Variants in ELF4 observed in about 807,000 individuals in gnomAD.
The protein encoded by ELF4 is E74 like ETS transcription factor 4, also known as ETS-related transcription factor Elf-4.
A neutral mutation model predicts 31.7 loss-of-function variants in ELF4; 10 were observed. The observed-to-expected ratio is 0.32, with a 90% CI of 0.19 to 0.54. The LOEUF (loss-of-function observed/expected upper bound fraction) is 0.54, where lower values mean the gene tolerates loss of function less well. Ranked by LOEUF, ELF4 falls within the 20% of genes least tolerant of loss-of-function variation. The pLI is 0.95. For synonymous variants in ELF4, 208 were observed against 226.7 expected, an observed-to-expected ratio of 0.92 and a Z score of 0.74; for missense variants, 418 against 522.0, an observed-to-expected ratio of 0.80 and a Z score of 1.94.
At position 130,085,127 on chromosome X, in the gene ELF4, A is replaced by G. The variant is rs192182885; in HGVS notation, c.-209-3588T>C. Among the ~76,000 whole-genome samples the G allele has an allele frequency of 2.2e-3, 247 of 112,249 alleles. 1 individual carries two copies. The highest frequency in any genetic ancestry group is 7.8e-3 in the African/African-American group (241 of 30,945). On this transcript the variant is annotated intron_variant, in intron 1 of 8. Transcript: ENST00000308167. ...CCTGCCCCATGCTTGCACAGCTCAC[A>G]GCTTGCTCCAGTCACAGTCCCCTCG...
rs1220215049 is a variant in ELF4 at position 130,065,608 on chromosome X, C to A, written c.*1113G>T. ...TGCTTGAGCAGGAATGGGGGTGGAC[C>A]CCATCTAGGTCGCTGCCGGACTAGC... On this transcript the variant is annotated 3_prime_UTR_variant, in exon 9 of 9. Coordinates refer to ENST00000308167, the MANE Select transcript of ELF4 (RefSeq NM_001421.4). 1.7e-5 allele frequency: 3 copies of A among 174,354 alleles called. No homozygotes were observed. The highest frequency in any genetic ancestry group is 3.3e-5 in the Non-Finnish European group (3 of 91,450). 14.4% of individuals were successfully genotyped at this position (174,354 alleles called of 1,213,427 possible).
intron 2 of ELF4, 131 bp from the exon 3 acceptor site, chrX:130,074,883 T>C: frequency 1.3e-6 from 1 of 773,349 alleles, no homozygotes; most frequent in Non-Finnish European, 1.9e-6. Context: ...TATAGGATGA[T>C]ATAACTCTGG....
rs41301499 is a variant in ELF4 at position 130,074,565 on chromosome X, C to G, written c.247+16G>C. The G allele has an allele frequency of 4.1e-6, 5 of 1,211,678 alleles. No homozygotes were observed. The highest frequency in any genetic ancestry group is 5.6e-6 in the Non-Finnish European group (5 of 895,478). ...CTTTTTCTACCACACCTTCTCTGCCCAGGAAGGGAACAGACCTGTCAGCAA... is the reference window on the plus strand; with the variant it reads ...CTTTTTCTACCACACCTTCTCTGCCGAGGAAGGGAACAGACCTGTCAGCAA... On this transcript the variant is annotated intron_variant, in intron 3 of 8. Transcript: ENST00000308167.
intron 2 of ELF4, among the ~76,000 whole-genome samples, chrX:130,077,927 A>T: frequency 8.9e-6 from 1 of 112,126 alleles, no homozygotes; most frequent in Middle Eastern, 4.6e-3. Flanking sequence ...ACATGTCTAC[A>T]TCTAAATATG....
intron 1 of ELF4, among the ~76,000 whole-genome samples, chrX:130,091,671 C>A (rs531075511): frequency 9.0e-6 from 1 of 111,239 alleles, no homozygotes; most frequent in East Asian, 2.8e-4. Flanking sequence ...CCAAATACAA[C>A]TCAGCAGATT....
rs1932677278 is a variant in ELF4, at chrX:130,066,593, G to A, written c.*128C>T. 3 of 724,127 alleles carry A rather than the reference G, an allele frequency of 4.1e-6. No homozygotes were observed. Among genetic ancestry groups the A allele is most frequent in the Admixed American group, 2.6e-5 (1 of 38,862 alleles). 59.7% of individuals were successfully genotyped at this position (724,127 alleles called of 1,213,427 possible). ...GGCCACAGTGACACCAGGCAGGGCC[G>A]GGGGACTTGGGGTCAAGTGTATTGA... On this transcript the variant is annotated 3_prime_UTR_variant, in exon 9 of 9. Transcript: ENST00000308167.
In ELF4 at chrX:130,067,969, C is replaced by T. The variant is rs1052901584; in HGVS notation, c.1188-444G>A. 4.5e-5 allele frequency among the ~76,000 whole-genome samples: 5 copies of T among 111,514 alleles called. No homozygotes were observed. In the East Asian group the frequency reaches 1.4e-3, roughly 31 times the overall value. ...CTGGGATTATAGGCGAGCACCACTA[C>T]ACCCGGCTAATTTTGTATTTTTAGT... On this transcript the variant is annotated intron_variant, in intron 8 of 8. Coordinates refer to ENST00000308167, the MANE Select transcript of ELF4 (RefSeq NM_001421.4).
At chrX:130,073,981 A>C in intron 4 of ELF4, 68 bp downstream of exon 4, 1 of 1,120,816 alleles carries the variant, frequency 8.9e-7, no homozygotes, top group Non-Finnish European at 1.2e-6. Context: ...AAACCAATAC[A>C]TGGATTTCAT....
intron 2 of ELF4, among the ~76,000 whole-genome samples, chrX:130,076,020 A>G (rs1439465505): frequency 9.0e-6 from 1 of 111,323 alleles, no homozygotes; most frequent in Admixed American, 9.5e-5. Context: ...GGTGAGCTTG[A>G]GGTACCTTTG....
chrX:130,090,475 C>T (rs1933039848), intron 1 of ELF4, among the ~76,000 whole-genome samples: 1 of 111,935 alleles, frequency 8.9e-6, no homozygotes, highest in African/African-American at 3.2e-5. Context: ...CCCACCTCCA[C>T]CTCCGTGCCT....
Position 130,067,058 on chromosome X carries a change from G to T in ELF4, c.1655C>A (p.Thr552Lys). 1 of 1,211,794 alleles carries T rather than the reference G, an allele frequency of 8.3e-7. No homozygotes were observed. The highest frequency in any genetic ancestry group is 1.1e-6 in the Non-Finnish European group (1 of 895,371). ...CAGCAGCCCCTCCATGGGGGCCCCC[G>T]TCACCATACCCTGAACATAGGAGGA... is the stretch of plus-strand genomic sequence containing the variant. ...RSSSYVQGMV[T>K]GAPMEGLLVP... The change falls in exon 9 of 9, where the codon ACG (threonine) becomes AAG (lysine). Residue 552 changes from threonine (T) to lysine (K), a missense_variant. This residue lies in a region of ELF4 where 260 missense variants were observed against 269.2 expected (regional missense o/e 0.97). Coordinates refer to ENST00000308167, the MANE Select transcript of ELF4 (RefSeq NM_001421.4).
chrX:130,068,462 C>G, intron 8 of ELF4, among the ~76,000 whole-genome samples: 1 of 112,117 alleles, frequency 8.9e-6, no homozygotes, highest in Admixed American at 9.4e-5. Context: ...ATCTTCCTCA[C>G]CATTCCACTC....
chrX:130,109,013 C>CT (rs1029467067), intron 1 of ELF4, among the ~76,000 whole-genome samples: 12 of 112,890 alleles, frequency 1.1e-4, no homozygotes, highest in Non-Finnish European at 1.9e-4. Context: ...TGAGAAAGCA[C>CT]TTTATAACCA....
In ELF4 at chrX:130,066,626, C is replaced by T; in HGVS notation, c.*95G>A. ...TGGGGTCAAGTGTATTGACATCCCA[C>T]TGAAATGCAGGGGCAGGTGTGCTAC... On this transcript the variant is annotated 3_prime_UTR_variant, in exon 9 of 9. Coordinates refer to ENST00000308167, the MANE Select transcript of ELF4 (RefSeq NM_001421.4). 1.0e-6 allele frequency: 1 copy of T among 953,993 alleles called. No individual in the cohort carries two copies. Among genetic ancestry groups the T allele is most frequent in the Non-Finnish European group, 1.5e-6 (1 of 673,631 alleles). 78.6% of individuals were successfully genotyped at this position (953,993 alleles called of 1,213,427 possible).
intron 8 of ELF4, 71 bp from the exon 9 acceptor site, chrX:130,067,596 G>C (rs1427225220): frequency 4.0e-6 from 4 of 1,008,864 alleles, no homozygotes; most frequent in Non-Finnish European, 5.6e-6. Flanking sequence ...AGGAGGGCAC[G>C]AGAGGAATGG....
intron 1 of ELF4, among the ~76,000 whole-genome samples, chrX:130,096,823 G>C (rs1933157114): frequency 1.8e-5 from 2 of 110,677 alleles, no homozygotes; most frequent in Admixed American, 9.7e-5. Context: ...GCTTTCCTTG[G>C]GGTAAGCAGT....
In ELF4 at chrX:130,067,409, C is replaced by A; in HGVS notation, c.1304G>T (p.Ser435Ile). 1 of 1,212,243 alleles carries A rather than the reference C, an allele frequency of 8.2e-7. No individual in the cohort carries two copies. Among genetic ancestry groups the A allele is most frequent in the Non-Finnish European group, 1.1e-6 (1 of 895,633 alleles). The change falls in exon 9 of 9, where the codon AGT becomes ATT. Residue 435 changes from serine to isoleucine, a missense_variant. Ser to Ile is a moderately radical substitution (Grantham distance 142). Transcript: ENST00000308167. ...TTVLTNGPPA[S>I]TTAPTQLVLQ... ...AACGAGCTGAGTGGGAGCAGTAGTA[C>A]TGGCAGGAGGCCCATTGGTCAGCAC...
chrX:130,104,617 A>G (rs1289035831), intron 1 of ELF4, among the ~76,000 whole-genome samples: 1 of 111,806 alleles, frequency 8.9e-6, no homozygotes, highest in Non-Finnish European at 1.9e-5. Flanking sequence ...TTTAAGCTTC[A>G]CTCCAACCCT....
Position 130,072,221 on chromosome X carries a change from C to T in ELF4, c.532+5G>A, listed in dbSNP as rs773728904. 1.7e-6 allele frequency: 2 copies of T among 1,211,481 alleles called. No homozygotes were observed. Among genetic ancestry groups the T allele is most frequent in the Admixed American group, 4.3e-5 (2 of 46,030 alleles). ...ACACACATACACTCACTCTCCCCCACTTACTTCTCTTCTTTGATTTCCCAG... is the reference window on the plus strand; with the variant it reads ...ACACACATACACTCACTCTCCCCCATTTACTTCTCTTCTTTGATTTCCCAG... On this transcript the variant is annotated splice_donor_5th_base_variant and intron_variant, in intron 5 of 8. Transcript: ENST00000308167.
Sources: allele counts gnomAD v4.1 joint callset (sites outside exome capture counted in the v4.1 genomes callset), GRCh38; gene constraint gnomAD v4.1.1; regional missense constraint gnomAD v4.1.1; transcripts MANE v1.5; gene names NCBI Gene and HGNC (gene_info 2026-07-23, HGNC 2026-07-21).